The following PMM1 variants were observed in gnomAD, a reference collection of about 807,000 sequenced individuals.
PMM1 encodes the protein brain glucose-1,6-bisphosphatase.
PMM1 carries 25 observed loss-of-function variants against 34.0 expected under a neutral mutation model. The observed-to-expected ratio is 0.73, with a 90% CI of 0.54 to 1.03. PMM1 has a LOEUF of 1.03. Among genes scored for constraint, PMM1 ranks in the 50% least tolerant of loss-of-function variants. The probability of loss-of-function intolerance (pLI) is 0.00; values close to 1 mark genes in which losing one functional copy is unlikely to be tolerated. For synonymous variants in PMM1, 134 were observed against 143.9 expected, an observed-to-expected ratio of 0.93 and a Z score of 0.49; for missense variants, 321 against 350.1, an observed-to-expected ratio of 0.92 and a Z score of 0.66.
intron 3 of PMM1, 65 bp downstream of exon 3, chr22:41,584,462 C>G: frequency 1.3e-6 from 2 of 1,565,618 alleles, no homozygotes; most frequent in Non-Finnish European, 1.8e-6. Flanking sequence ...AGGACAGAAG[C>G]CCCCTTGGAC....
chr22:41,582,320 A>G (rs2067256675), intron 5 of PMM1, among the ~76,000 whole-genome samples: 1 of 152,040 alleles, frequency 6.6e-6, no homozygotes, highest in African/African-American at 2.4e-5. Context: ...TTAGCCTGGC[A>G]TGGTGTAATG....
In PMM1 at chr22:41,576,982, A is replaced by C; in HGVS notation, c.*336T>G. 2.5e-6 allele frequency: 1 copy of C among 393,182 alleles called. No individual in the cohort carries two copies. Among genetic ancestry groups the C allele is most frequent in the Non-Finnish European group, 4.8e-6 (1 of 207,766 alleles). 24.4% of individuals were successfully genotyped at this position (393,182 alleles called of 1,614,324 possible). ...CCGTACCTCATCGCCCAGGGCAGGC[A>C]GGCAGGGCAGGCTAGATCTCGTACC... On this transcript the variant is annotated 3_prime_UTR_variant, in exon 8 of 8. Transcript: ENST00000216259.
Position 41,582,907 on chromosome 22 carries a change from A to T in PMM1, c.474+1052T>A, listed in dbSNP as rs192061210. On this transcript the variant is annotated intron_variant, in intron 5 of 7. Transcript: ENST00000216259. ...GGATGGGTGGATTGCTCCATCCCCG[A>T]GAGGGAGGGAGGCGGTGGGGAGAAA... is the stretch of plus-strand genomic sequence containing the variant. Among the ~76,000 whole-genome samples, 31 of 152,252 alleles carry T rather than the reference A, an allele frequency of 2.0e-4. No individual in the cohort carries two copies. The East Asian group carries it at 5.4e-3, about 27-fold the overall frequency.
chr22:41,578,697 G>A, intron 6 of PMM1, 109 bp downstream of exon 6: 1 of 844,372 alleles, frequency 1.2e-6, no homozygotes, highest in Non-Finnish European at 2.0e-6. Flanking sequence ...CTGAGCCGGG[G>A]AGGGGCTACT....
Position 41,589,527 on chromosome 22 carries a change from C to A in PMM1, c.87+192G>T, listed in dbSNP as rs538210665. ...AAGCAGAACACAGGCAAGGACGCTG[C>A]GGGGTCAGTGACGTGAGGGCCAGGT... On this transcript the variant is annotated intron_variant, in intron 1 of 7. Transcript: ENST00000216259. The A allele has an allele frequency of 1.3e-4, 81 of 604,146 alleles. No individual in the cohort carries two copies. In the South Asian group the frequency reaches 1.5e-3, roughly 11 times the overall value. The allele number at this position is 604,146 out of a possible 1,614,324, so 37.4% of individuals were successfully genotyped here.
At position 41,584,010 on chromosome 22, in the gene PMM1, G is replaced by A. The variant is rs768156298; in HGVS notation, c.423C>T (p.Ile141=). ...FRNGMLNISP[I]GRSCTLEERI... ...TCTCCTCCAGGGTGCAGCTCCGGCC[G>A]ATGGGCGAGATGTTCAGCATGCCAT... is the stretch of plus-strand genomic sequence containing the variant. Residue 141 remains isoleucine, a synonymous_variant, in exon 5 of 8, where the codon ATC becomes ATT. Transcript: ENST00000216259. The A allele has an allele frequency of 8.7e-6, 14 of 1,613,878 alleles. No homozygotes were observed. The highest frequency in any genetic ancestry group is 3.3e-5 in the Admixed American group (2 of 60,002).
chr22:41,583,155 G>A (rs1386480555), intron 5 of PMM1, among the ~76,000 whole-genome samples: 1 of 151,994 alleles, frequency 6.6e-6, no homozygotes, highest in Non-Finnish European at 1.5e-5. Flanking sequence ...AGGGGGTGGG[G>A]CTGGGGGGTG....
intron 5 of PMM1, 164 bp from the exon 6 acceptor site, chr22:41,579,045 A>T: frequency 1.6e-6 from 1 of 608,032 alleles, no homozygotes; most frequent in Non-Finnish European, 3.0e-6. Context: ...GCCTTGGTCA[A>T]GGTCACCTAG....
chr22:41,577,587 G>C, intron 7 of PMM1, 147 bp from the exon 8 acceptor site: 1 of 979,570 alleles, frequency 1.0e-6, no homozygotes, highest in South Asian at 1.5e-5. Context: ...CTGACTTGCT[G>C]TGTGATGTAG....
chr22:41,584,664 C>T lies in PMM1; in HGVS notation c.206-61G>A, dbSNP rs1056682478. ...GTGTGAGACCACGTCTGTGACCCCACGGGCAAGTAAAGAGAGAGGAAGCCT... is the reference window on the plus strand; with the variant it reads ...GTGTGAGACCACGTCTGTGACCCCATGGGCAAGTAAAGAGAGAGGAAGCCT... On this transcript the variant is annotated intron_variant, in intron 2 of 7. Coordinates refer to ENST00000216259, the MANE Select transcript of PMM1 (RefSeq NM_002676.3). The T allele has an allele frequency of 2.3e-5, 29 of 1,264,468 alleles. 1 individual carries two copies. The highest frequency in any genetic ancestry group is 1.5e-4 in the Admixed American group (8 of 54,122). The allele number at this position is 1,264,468 out of a possible 1,614,324, so 78.3% of individuals were successfully genotyped here. A position where few individuals can be genotyped will look rare whatever the true frequency, so the allele number is the denominator to read the frequency against.
At position 41,578,741 on chromosome 22, in the gene PMM1, G is replaced by A. The variant is rs2067206019; in HGVS notation, c.550+65C>T. The A allele has an allele frequency of 5.1e-6, 7 of 1,376,034 alleles. No individual in the cohort carries two copies. The Admixed American group carries it at 8.5e-5, about 17-fold the overall frequency. The allele number at this position is 1,376,034 out of a possible 1,614,324, so 85.2% of individuals were successfully genotyped here. A position where few individuals can be genotyped will look rare whatever the true frequency, so the allele number is the denominator to read the frequency against. On this transcript the variant is annotated intron_variant, in intron 6 of 7. Coordinates refer to ENST00000216259, the MANE Select transcript of PMM1 (RefSeq NM_002676.3). ...TGGGGGCCACAGCCTGGTCTTGGCAGGGGCAGATGGTTTGAGGAGGGGCCC... is the reference window on the plus strand; with the variant it reads ...TGGGGGCCACAGCCTGGTCTTGGCAAGGGCAGATGGTTTGAGGAGGGGCCC...
intron 2 of PMM1, among the ~76,000 whole-genome samples, chr22:41,585,835 G>A (rs1214244535): frequency 6.6e-6 from 1 of 152,168 alleles, no homozygotes; most frequent in Non-Finnish European, 1.5e-5. Context: ...ACTCAGCAGG[G>A]AGAAATGAGA....
intron 5 of PMM1, among the ~76,000 whole-genome samples, chr22:41,583,327 C>A (rs2066385400): frequency 6.6e-6 from 1 of 152,054 alleles, no homozygotes; most frequent in Admixed American, 6.6e-5. Flanking sequence ...TAAAAAAGTA[C>A]AAAAATTAGC....
intron 5 of PMM1, among the ~76,000 whole-genome samples, chr22:41,581,001 G>C (rs964329785): frequency 7.9e-5 from 12 of 151,448 alleles, no homozygotes; most frequent in African/African-American, 2.2e-4. Context: ...TGTAGTCCCA[G>C]CTACTTGGGA....
At chr22:41,579,754 G>A (rs1359572300) in intron 5 of PMM1, 1 of 152,678 alleles carries the variant, frequency 6.5e-6, no homozygotes, top group Non-Finnish European at 1.5e-5. Flanking sequence ...AAGTGGCCCA[G>A]GGAGGATGTC....
At chr22:41,581,875 T>C (rs1468330317) in intron 5 of PMM1, among the ~76,000 whole-genome samples, 2 of 151,968 alleles carry the variant, frequency 1.3e-5, no homozygotes, top group African/African-American at 4.8e-5. Flanking sequence ...TCCTAGCTAC[T>C]TGGGAAGGCT....
Position 41,577,795 on chromosome 22 carries a change from G to T in PMM1, c.666+13C>A. The T allele has an allele frequency of 1.3e-6, 2 of 1,590,298 alleles. No individual in the cohort carries two copies. The highest frequency in any genetic ancestry group is 1.7e-6 in the Non-Finnish European group (2 of 1,158,840). On this transcript the variant is annotated intron_variant, in intron 7 of 7. Coordinates refer to ENST00000216259, the MANE Select transcript of PMM1 (RefSeq NM_002676.3). The stretch of plus-strand genomic sequence containing the variant: ...CACTGCGTTAGGGGAAACCTGGGGT[G>T]GGCCACACTCACAGGGCTAGTCTCG...
chr22:41,588,984 G>C lies in PMM1; in HGVS notation c.87+735C>G. 4 of 1,145,700 alleles carry C rather than the reference G, an allele frequency of 3.5e-6. No homozygotes were observed. The South Asian group carries it at 5.1e-5, about 15-fold the overall frequency. The allele number at this position is 1,145,700 out of a possible 1,614,324, so 71.0% of individuals were successfully genotyped here. A position where few individuals can be genotyped will look rare whatever the true frequency, so the allele number is the denominator to read the frequency against. Reference sequence around the variant, plus strand: ...ACTCACTCACAATGAGACCCAATGGGAGAAAAACTGAGCAGAGGTAAGAGG... The same window carrying C: ...ACTCACTCACAATGAGACCCAATGGCAGAAAAACTGAGCAGAGGTAAGAGG... On this transcript the variant is annotated intron_variant, in intron 1 of 7. Coordinates refer to ENST00000216259, the MANE Select transcript of PMM1 (RefSeq NM_002676.3).
rs1056330888 is a variant in PMM1 at position 41,584,211 on chromosome 22, C to G, written c.374+70G>C. 3 of 1,436,106 alleles carry G rather than the reference C, an allele frequency of 2.1e-6. No homozygotes were observed. In the African/African-American group the frequency reaches 4.2e-5, roughly 20 times the overall value. 89.0% of individuals were successfully genotyped at this position (1,436,106 alleles called of 1,614,324 possible). A position where few individuals can be genotyped will look rare whatever the true frequency, so the allele number is the denominator to read the frequency against. ...TCAGGGGCCCAAGTATCTCCAGGTT[C>G]CCTCTGAGGGACCCACACTTCTCCT... On this transcript the variant is annotated intron_variant, in intron 4 of 7. Coordinates refer to ENST00000216259, the MANE Select transcript of PMM1 (RefSeq NM_002676.3).
Sources: allele counts gnomAD v4.1 joint callset (sites outside exome capture counted in the v4.1 genomes callset), GRCh38; gene constraint gnomAD v4.1.1; transcripts MANE v1.5; gene names NCBI Gene and HGNC (gene_info 2026-07-23, HGNC 2026-07-21).